The following TLK1 variants were observed in gnomAD, a reference collection of about 807,000 sequenced individuals.
TLK1 encodes serine/threonine-protein kinase tousled-like 1.
A neutral mutation model predicts 105.3 loss-of-function variants in TLK1; 24 were observed. That is an observed-to-expected ratio of 0.23 (90% confidence interval 0.17 to 0.32). TLK1 has a LOEUF of 0.32. Ranked by LOEUF, TLK1 falls within the 10% of genes least tolerant of loss-of-function variation. The probability of loss-of-function intolerance (pLI) is 1.00; values close to 1 mark genes in which losing one functional copy is unlikely to be tolerated. For synonymous variants in TLK1, 321 were observed against 310.4 expected (o/e 1.03, Z -0.36); for missense variants, 558 against 910.5 (o/e 0.61, Z 4.98).
chr2:171,053,892 A>G (rs2105435662), intron 7 of TLK1, 39 bp from the exon 8 acceptor site: 1 of 1,425,728 alleles, frequency 7.0e-7, no homozygotes, highest in African/African-American at 1.4e-5. Flanking sequence ...TCCATTATAT[A>G]TGTTGTTTCA....
Position 171,002,570 on chromosome 2 carries a change from G to C in TLK1, c.1904+3577C>G, listed in dbSNP as rs988543504. Among the ~76,000 whole-genome samples, 5 of 151,966 alleles carry C rather than the reference G, an allele frequency of 3.3e-5. No homozygotes were observed. The East Asian group carries it at 9.7e-4, about 29-fold the overall frequency. On this transcript the variant is annotated intron_variant, in intron 18 of 20. Transcript: ENST00000431350. ...ATTATAGGTGTGAGCCACCGCGCCT[G>C]GCCTGCTTTTTCTAAAATCACATTA...
At chr2:171,032,011 C>T (rs1686069182) in intron 11 of TLK1, among the ~76,000 whole-genome samples, 1 of 152,072 alleles carries the variant, frequency 6.6e-6, no homozygotes, top group African/African-American at 2.4e-5. Context: ...TCACTTCAAC[C>T]TGGGAGGCAG....
At chr2:171,015,411 T>G in intron 12 of TLK1, among the ~76,000 whole-genome samples, 1 of 110,574 alleles carries the variant, frequency 9.0e-6, no homozygotes. Context: ...GCATTTGGAG[T>G]ACAAACACAC....
chr2:170,999,221 CTATTT>C (rs140427454), intron 18 of TLK1, among the ~76,000 whole-genome samples: 2,131 of 152,278 alleles, frequency 0.014, 42 homozygotes, highest in African/African-American at 0.046. Context: ...TGGGAATTTA[CTATTT>C]TTTTTAAAAA....
intron 10 of TLK1, 144 bp downstream of exon 10, chr2:171,049,670 G>T: frequency 1.1e-6 from 1 of 945,634 alleles, no homozygotes; most frequent in Non-Finnish European, 1.5e-6. Context: ...AATACTCTTG[G>T]TTTCATATCC....
At chr2:171,229,494 C>T (rs1254108415) in intron 1 of TLK1, among the ~76,000 whole-genome samples, 2 of 152,208 alleles carry the variant, frequency 1.3e-5, no homozygotes, top group African/African-American at 4.8e-5. Flanking sequence ...TAAACTCACT[C>T]TTCCCTCCGG....
intron 18 of TLK1, among the ~76,000 whole-genome samples, chr2:170,998,479 G>A (rs1008767620): frequency 2.0e-5 from 3 of 152,114 alleles, no homozygotes; most frequent in South Asian, 2.1e-4. Context: ...TCTTGAATAT[G>A]ACAATCACTA....
upstream of TLK1, among the ~76,000 whole-genome samples, chr2:171,165,631 G>C (rs1281965016): frequency 1.3e-5 from 2 of 152,196 alleles, no homozygotes; most frequent in African/African-American, 4.8e-5. Flanking sequence ...TTAGCCCAGA[G>C]GCTGGGGGCT....
intron 1 of TLK1, among the ~76,000 whole-genome samples, chr2:171,151,470 CTTTTTTTTTTTT>C (rs55670860): frequency 1.6e-5 from 2 of 124,244 alleles, no homozygotes; most frequent in Non-Finnish European, 3.3e-5. Flanking sequence ...ATATGTGTAT[CTTTTTTTTTTTT>C]TTTTTTTTTT....
At chr2:171,197,015 G>A (rs374204657) in intron 1 of TLK1, among the ~76,000 whole-genome samples, 1 of 152,130 alleles carries the variant, frequency 6.6e-6, no homozygotes, top group South Asian at 2.1e-4. Flanking sequence ...CTAGAAAAAC[G>A]AAATGTTTCT....
intron 1 of TLK1, among the ~76,000 whole-genome samples, chr2:171,207,205 T>G (rs1416136196): frequency 7.2e-5 from 11 of 152,158 alleles, no homozygotes; most frequent in Admixed American, 7.2e-4. Flanking sequence ...GGAATATTCT[T>G]CAGAACTAAA....
At chr2:171,150,220 G>T (rs1691977755) in intron 1 of TLK1, among the ~76,000 whole-genome samples, 1 of 151,800 alleles carries the variant, frequency 6.6e-6, no homozygotes, top group African/African-American at 2.4e-5. Context: ...AAAATAATCT[G>T]GCAACATTTA....
At chr2:171,200,045 C>G (rs1012729502) in intron 1 of TLK1, among the ~76,000 whole-genome samples, 1 of 152,172 alleles carries the variant, frequency 6.6e-6, no homozygotes, top group African/African-American at 2.4e-5. Context: ...ATGTGAGAGA[C>G]TGGATGGTGA....
chr2:171,080,659 G>A (rs1688709518), intron 3 of TLK1, among the ~76,000 whole-genome samples: 1 of 150,984 alleles, frequency 6.6e-6, no homozygotes, highest in Non-Finnish European at 1.5e-5. Flanking sequence ...CCATTAATTT[G>A]TAAAACTCCA....
At position 171,001,259 on chromosome 2, in the gene TLK1, G is replaced by A. The variant is rs146614098; in HGVS notation, c.1905-3436C>T. ...AACAGCACTGACAATCCTTTCCATA[G>A]AGTATCATGTGTAACGAGCCTTAAA... On this transcript the variant is annotated intron_variant, in intron 18 of 20. Coordinates refer to ENST00000431350, the MANE Select transcript of TLK1 (RefSeq NM_012290.5). Among the ~76,000 whole-genome samples, 436 of 152,232 alleles carry A rather than the reference G, an allele frequency of 2.9e-3. 2 individuals carry two copies. The highest frequency in any genetic ancestry group is 9.8e-3 in the African/African-American group (408 of 41,530).
rs191817615 is a variant in TLK1, at chr2:171,037,740, T to C, written c.1169+8434A>G. 1.2e-4 allele frequency among the ~76,000 whole-genome samples: 18 copies of C among 152,314 alleles called. 1 individual carries two copies. The highest frequency in any genetic ancestry group is 6.8e-3 in the Middle Eastern group (2 of 294). On this transcript the variant is annotated intron_variant, in intron 11 of 20. Coordinates refer to ENST00000431350, the MANE Select transcript of TLK1 (RefSeq NM_012290.5). ...GTCTTCATAAATTAGCATTTTTATA[T>C]ATTATATGTTGTGTTTGTGTTACTA...
chr2:171,155,689 A>G (rs1248279170), intron 1 of TLK1: 2 of 152,180 alleles, frequency 1.3e-5, no homozygotes, highest in East Asian at 3.8e-4. Flanking sequence ...ATGTCCCTGT[A>G]GTCCACTTTA....
chr2:171,083,321 T>A (rs940824066), intron 2 of TLK1, among the ~76,000 whole-genome samples: 15 of 152,190 alleles, frequency 9.9e-5, no homozygotes, highest in Admixed American at 2.0e-4. Flanking sequence ...TTCTTTTTTT[T>A]AAAATTTGTT....
chr2:171,114,698 G>A (rs555795165), intron 2 of TLK1, among the ~76,000 whole-genome samples: 13 of 152,208 alleles, frequency 8.5e-5, no homozygotes, highest in African/African-American at 2.9e-4. Flanking sequence ...AGCCGGGCAC[G>A]GTGGCACGCA....
Sources: gnomAD v4.1 joint callset for allele counts (sites outside exome capture counted in the v4.1 genomes callset) on GRCh38, gnomAD v4.1.1 for gene constraint, MANE v1.5 for transcripts, NCBI Gene and HGNC (gene_info 2026-07-23, HGNC 2026-07-21) for gene names.